Variants in FBXO25 observed in about 807,000 individuals in gnomAD.
The protein encoded by FBXO25 is F-box only protein 25.
Under a neutral mutation model 51.9 loss-of-function variants are expected in FBXO25, and 45 were observed. The ratio of observed to expected loss-of-function variants is 0.87; its 90% CI spans 0.68 to 1.11. The LOEUF is 1.11. Among genes scored for constraint, FBXO25 ranks in the 50% most tolerant of loss-of-function variants. FBXO25 has a pLI of 0.00. For synonymous variants in FBXO25, 199 were observed against 151.0 expected, an observed-to-expected ratio of 1.32 and a Z score of -2.33; for missense variants, 507 against 428.5, an observed-to-expected ratio of 1.18 and a Z score of -1.62.
intron 2 of FBXO25, among the ~76,000 whole-genome samples, chr8:424,179 C>A (rs556975125): frequency 1.4e-5 from 2 of 145,364 alleles, no homozygotes; most frequent in East Asian, 4.0e-4. Flanking sequence ...AGTGCAGTGG[C>A]GCAATTTCCG....
At chr8:425,035 T>A (rs1199514594) in intron 2 of FBXO25, among the ~76,000 whole-genome samples, 1 of 152,210 alleles carries the variant, frequency 6.6e-6, no homozygotes, top group Non-Finnish European at 1.5e-5. Context: ...CTGTAATGAT[T>A]TTTTAATGTT....
At chr8:410,252 C>T (rs1273610476) in intron 1 of FBXO25, among the ~76,000 whole-genome samples, 1 of 152,130 alleles carries the variant, frequency 6.6e-6, no homozygotes, top group Non-Finnish European at 1.5e-5. Context: ...TTATATTACA[C>T]TTGTATGGAA....
intron 7 of FBXO25, among the ~76,000 whole-genome samples, chr8:458,127 A>G (rs1332266993): frequency 6.6e-6 from 1 of 152,244 alleles, no homozygotes; most frequent in East Asian, 1.9e-4. Flanking sequence ...GAGGTGCAGC[A>G]GTAGGGCCTC....
rs1432131230 is a variant in FBXO25 at position 471,749 on chromosome 8, G to C, written c.*2945G>C. ...TTTATGAATACACACAAATTGGAAA[G>C]CCATGCAGTAGCCTCTCAGGAGCAG... On this transcript the variant is annotated 3_prime_UTR_variant, in exon 10 of 10. Coordinates refer to ENST00000350302, the MANE Select transcript of FBXO25 (RefSeq NM_183420.2). 6.6e-6 allele frequency: 1 copy of C among 152,190 alleles called. No individual in the cohort carries two copies. Among genetic ancestry groups the C allele is most frequent in the African/African-American group, 2.4e-5 (1 of 41,444 alleles). 9.4% of individuals were successfully genotyped at this position (152,190 alleles called of 1,614,324 possible). A position where few individuals can be genotyped will look rare whatever the true frequency, so the allele number is the denominator to read the frequency against.
chr8:458,303 T>C, intron 7 of FBXO25, 66 bp from the exon 8 acceptor site: 4 of 1,538,470 alleles, frequency 2.6e-6, no homozygotes, highest in Non-Finnish European at 3.6e-6. Flanking sequence ...AGCTTGACTC[T>C]TCAGTTACTG....
chr8:427,690 A>G (rs1170830534), intron 2 of FBXO25, among the ~76,000 whole-genome samples: 1 of 149,340 alleles, frequency 6.7e-6, no homozygotes, highest in Non-Finnish European at 1.5e-5. Flanking sequence ...ATTTTTTATT[A>G]TGTGTAGTAT....
intron 4 of FBXO25, 75 bp downstream of exon 4, chr8:433,010 A>G (rs1585039779): frequency 1.4e-6 from 2 of 1,440,484 alleles, no homozygotes; most frequent in East Asian, 5.4e-5. Flanking sequence ...AAATAAATGT[A>G]TTAATAAAGT....
chr8:460,019 C>T (rs918549164), intron 8 of FBXO25, among the ~76,000 whole-genome samples: 10 of 151,922 alleles, frequency 6.6e-5, no homozygotes, highest in Admixed American at 3.3e-4. Context: ...AATTTTAAGT[C>T]AGCATTGGGC....
chr8:466,754 CT>C (rs1383906821), intron 9 of FBXO25, among the ~76,000 whole-genome samples: 2 of 152,066 alleles, frequency 1.3e-5, no homozygotes, highest in Non-Finnish European at 2.9e-5. Flanking sequence ...TATTGGAGTT[CT>C]TTTTTAACTT....
At chr8:454,774 C>T (rs772530775) in intron 7 of FBXO25, among the ~76,000 whole-genome samples, 2 of 151,774 alleles carry the variant, frequency 1.3e-5, no homozygotes, top group African/African-American at 2.4e-5. Context: ...GCCTGTGGTC[C>T]CAGCTACTTG....
intron 5 of FBXO25, among the ~76,000 whole-genome samples, chr8:447,564 A>C (rs1331267301): frequency 6.6e-6 from 1 of 152,248 alleles, no homozygotes; most frequent in East Asian, 1.9e-4. Context: ...AATGAGGTTG[A>C]GTATCCCTTA....
At chr8:414,483 T>G (rs1192525369) in intron 2 of FBXO25, among the ~76,000 whole-genome samples, 1 of 152,228 alleles carries the variant, frequency 6.6e-6, no homozygotes, top group African/African-American at 2.4e-5. Flanking sequence ...AAAGCTGTAA[T>G]GCTTGAAGTG....
At chr8:468,448 T>C (rs1800332093) in intron 9 of FBXO25, among the ~76,000 whole-genome samples, 1 of 152,138 alleles carries the variant, frequency 6.6e-6, no homozygotes, top group Admixed American at 6.5e-5. Context: ...CTGGCTCCTC[T>C]GACTCAGTAC....
chr8:446,435 G>A (rs1267774289), intron 5 of FBXO25, among the ~76,000 whole-genome samples: 3 of 152,174 alleles, frequency 2.0e-5, no homozygotes, highest in Non-Finnish European at 4.4e-5. Context: ...CAGTGCTTAC[G>A]GCTGGCTGGC....
chr8:456,158 G>C (rs1361221220), intron 7 of FBXO25, among the ~76,000 whole-genome samples: 1 of 152,344 alleles, frequency 6.6e-6, no homozygotes, highest in South Asian at 2.1e-4. Flanking sequence ...TCTTGTGAGA[G>C]TGTTAGACTT....
At chr8:431,557 C>T in intron 3 of FBXO25, 113 bp downstream of exon 3, 1 of 565,770 alleles carries the variant, frequency 1.8e-6, no homozygotes, top group Non-Finnish European at 3.0e-6. Flanking sequence ...TAAATAACAG[C>T]CCAGTATCCA....
intron 2 of FBXO25, among the ~76,000 whole-genome samples, chr8:418,318 G>C (rs1005610923): frequency 8.2e-6 from 1 of 121,560 alleles, no homozygotes; most frequent in Non-Finnish European, 1.8e-5. Flanking sequence ...CCTTTCTTTT[G>C]TTCGTTTGTT....
chr8:433,899 G>A (rs1266637184), intron 4 of FBXO25, among the ~76,000 whole-genome samples: 1 of 152,134 alleles, frequency 6.6e-6, no homozygotes, highest in Non-Finnish European at 1.5e-5. Context: ...ATATACACTC[G>A]AATACACCAT....
chr8:412,975 G>C (rs1796573420), intron 1 of FBXO25, 98 bp from the exon 2 acceptor site: 3 of 1,033,920 alleles, frequency 2.9e-6, no homozygotes, highest in Non-Finnish European at 3.9e-6. Context: ...ACATTTAAAT[G>C]TTAAGAACTT....
Sources: allele counts gnomAD v4.1 joint callset (sites outside exome capture counted in the v4.1 genomes callset), GRCh38; gene constraint gnomAD v4.1.1; transcripts MANE v1.5; gene names NCBI Gene and HGNC (gene_info 2026-07-23, HGNC 2026-07-21).